CGGBP1: variants seen among roughly 807,000 people sequenced by gnomAD.
CGGBP1 encodes CGG triplet repeat-binding protein 1.
Under a neutral mutation model 11.4 loss-of-function variants are expected in CGGBP1, and 4 were observed. That is an observed-to-expected ratio of 0.35 (90% confidence interval 0.17 to 0.80). The LOEUF (loss-of-function observed/expected upper bound fraction) is 0.80, where lower values mean the gene tolerates loss of function less well. Among genes scored for constraint, CGGBP1 ranks in the 30% least tolerant of loss-of-function variants. CGGBP1 has a pLI of 0.52. For missense variants in CGGBP1, 135 were observed against 202.1 expected, an observed-to-expected ratio of 0.67 and a Z score of 2.01; for synonymous variants, 76 against 74.1, an observed-to-expected ratio of 1.03 and a Z score of -0.13.
intron 2 of CGGBP1, among the ~76,000 whole-genome samples, chr3:88,119,415 A>T (rs1458010641): frequency 1.3e-5 from 1 of 76,098 alleles, no homozygotes. Flanking sequence ...GGGGGGAGGG[A>T]TAGCATTGGG....
chr3:88,075,401 C>G (rs1458115452), intron 2 of CGGBP1, among the ~76,000 whole-genome samples: 2 of 152,190 alleles, frequency 1.3e-5, no homozygotes, highest in Admixed American at 1.3e-4. Context: ...CTTGAAAGTT[C>G]TAGGCCTATC....
At chr3:88,114,261 G>A (rs1705260019) in intron 2 of CGGBP1, among the ~76,000 whole-genome samples, 1 of 152,116 alleles carries the variant, frequency 6.6e-6, no homozygotes, top group Admixed American at 6.6e-5. Context: ...TATTGGGGAA[G>A]GATATTTCAG....
intron 2 of CGGBP1, chr3:88,095,690 T>C (rs1236300821): frequency 2.4e-6 from 1 of 418,296 alleles, no homozygotes; most frequent in Non-Finnish European, 4.6e-6. Context: ...GTCAGCACAG[T>C]TTGAGAAATT....
At chr3:88,097,209 A>G (rs1416166118) in intron 2 of CGGBP1, among the ~76,000 whole-genome samples, 1 of 152,176 alleles carries the variant, frequency 6.6e-6, no homozygotes, top group Non-Finnish European at 1.5e-5. Context: ...GCTAGATCAA[A>G]GAGTGTAATT....
upstream of CGGBP1, chr3:88,059,377 A>G: frequency 2.0e-6 from 3 of 1,535,222 alleles, no homozygotes; most frequent in Non-Finnish European, 2.6e-6. Flanking sequence ...GCTTGTGGCC[A>G]TTGTGGAGTC....
intron 2 of CGGBP1, among the ~76,000 whole-genome samples, chr3:88,125,925 A>G (rs1054716544): frequency 6.6e-6 from 1 of 152,212 alleles, no homozygotes; most frequent in Non-Finnish European, 1.5e-5. Context: ...AAGTCCAGTT[A>G]TACAGATACT....
chr3:88,129,636 C>T, intron 2 of CGGBP1: 2 of 1,296,654 alleles, frequency 1.5e-6, no homozygotes, highest in East Asian at 2.6e-5. Context: ...TTGCAACTAG[C>T]TTCTTAGATA....
At chr3:88,073,355 CT>C (rs1707622927) in intron 2 of CGGBP1, among the ~76,000 whole-genome samples, 1 of 152,090 alleles carries the variant, frequency 6.6e-6, no homozygotes, top group Non-Finnish European at 1.5e-5. Context: ...TGAGGCTTGG[CT>C]TAGGGGTTTG....
At chr3:88,086,074 A>T (rs1396826938) in intron 2 of CGGBP1, among the ~76,000 whole-genome samples, 2 of 152,228 alleles carry the variant, frequency 1.3e-5, no homozygotes, top group Admixed American at 1.3e-4. Context: ...TTCAAAGATA[A>T]TAATTGATTT....
intron 2 of CGGBP1, among the ~76,000 whole-genome samples, chr3:88,138,244 TAATAA>T (rs1346791103): frequency 2.6e-5 from 4 of 152,158 alleles, no homozygotes; most frequent in Non-Finnish European, 5.9e-5. Flanking sequence ...TATAGCACTA[TAATAA>T]AAGTTCCCAT....
chr3:88,114,210 G>C (rs1705257099), intron 2 of CGGBP1, among the ~76,000 whole-genome samples: 1 of 152,088 alleles, frequency 6.6e-6, no homozygotes, highest in Non-Finnish European at 1.5e-5. Context: ...AGATTCCTTA[G>C]AGAAAAATAA....
chr3:88,135,820 C>T (rs1361575108), intron 2 of CGGBP1, among the ~76,000 whole-genome samples: 2 of 151,770 alleles, frequency 1.3e-5, no homozygotes, highest in East Asian at 1.9e-4. Flanking sequence ...AATAAGACTT[C>T]GAGTATAAAG....
chr3:88,108,788 G>A (rs1397523487), intron 2 of CGGBP1, among the ~76,000 whole-genome samples: 1 of 151,876 alleles, frequency 6.6e-6, no homozygotes, highest in Non-Finnish European at 1.5e-5. Flanking sequence ...AAGAAAAGCT[G>A]TAAAGTGCTT....
intron 2 of CGGBP1, among the ~76,000 whole-genome samples, chr3:88,125,765 C>T (rs952084204): frequency 2.2e-4 from 34 of 152,172 alleles, no homozygotes; most frequent in Admixed American, 5.2e-4. Flanking sequence ...TTTTTCTTAT[C>T]AGGCTCTTGC....
In CGGBP1 at chr3:88,055,257, C is replaced by A. The variant is rs1461668790; in HGVS notation, c.*216G>T. ...CAGGTTTCAGGTATCCTAGCACACTCTAAACCTAGGTTTTGCTTTATACCA... is the reference window on the plus strand; with the variant it reads ...CAGGTTTCAGGTATCCTAGCACACTATAAACCTAGGTTTTGCTTTATACCA... On this transcript the variant is annotated 3_prime_UTR_variant, in exon 4 of 4. Transcript: ENST00000482016. This position sits in a 1 kb window ranked among gnomAD's most constrained non-coding sequence, Gnocchi z 4.2. 1 of 422,112 alleles carries A rather than the reference C, an allele frequency of 2.4e-6. No homozygotes were observed. Among genetic ancestry groups the A allele is most frequent in the Non-Finnish European group, 4.2e-6 (1 of 240,596 alleles). 26.1% of individuals were successfully genotyped at this position (422,112 alleles called of 1,614,324 possible). A position where few individuals can be genotyped will look rare whatever the true frequency, so the allele number is the denominator to read the frequency against.
chr3:88,139,546 T>C, intron 2 of CGGBP1: 1 of 1,613,498 alleles, frequency 6.2e-7, no homozygotes, highest in African/African-American at 1.3e-5. Context: ...AGTTCTTCCA[T>C]TTCATTTGAA....
chr3:88,082,325 C>G (rs1708120580), intron 2 of CGGBP1, among the ~76,000 whole-genome samples: 1 of 152,156 alleles, frequency 6.6e-6, no homozygotes, highest in African/African-American at 2.4e-5. Flanking sequence ...CAGGGTTTCA[C>G]CATGTTGGCT....
chr3:88,073,824 T>C (rs1576207096), intron 2 of CGGBP1, among the ~76,000 whole-genome samples: 2 of 151,288 alleles, frequency 1.3e-5, no homozygotes, highest in Admixed American at 1.3e-4. Flanking sequence ...CTTGAGTATA[T>C]TTATCCCTAT....
At chr3:88,096,390 T>A (rs924306148) in intron 2 of CGGBP1, among the ~76,000 whole-genome samples, 1 of 152,032 alleles carries the variant, frequency 6.6e-6, no homozygotes, top group Admixed American at 6.6e-5. Context: ...TCTGAAGAGA[T>A]ATAACTACTG....
Sources: gnomAD v4.1 joint callset for allele counts (sites outside exome capture counted in the v4.1 genomes callset) on GRCh38, gnomAD v4.1.1 for gene constraint, Gnocchi (gnomAD v3.1) non-coding constraint, MANE v1.5 for transcripts, NCBI Gene and HGNC (gene_info 2026-07-23, HGNC 2026-07-21) for gene names.